Variants in ZZEF1 observed in about 807,000 individuals in gnomAD.
The protein encoded by ZZEF1 is zinc finger ZZ-type and EF-hand domain containing 1.
Under a neutral mutation model 342.8 loss-of-function variants are expected in ZZEF1, and 157 were observed. The observed-to-expected ratio is 0.46, with a 90% confidence interval of 0.40 to 0.52. ZZEF1 has a LOEUF of 0.52. Among genes scored for constraint, ZZEF1 ranks in the 20% least tolerant of loss-of-function variants. ZZEF1 has a pLI of 0.00. For synonymous variants in ZZEF1, 1,505 were observed against 1,429.1 expected, an observed-to-expected ratio of 1.05 and a Z score of -1.20; for missense variants, 3,480 against 3,725.6, an observed-to-expected ratio of 0.93 and a Z score of 1.72.
chr17:4,131,734 G>T (rs1477491144), intron 1 of ZZEF1, among the ~76,000 whole-genome samples: 1 of 151,948 alleles, frequency 6.6e-6, no homozygotes, highest in African/African-American at 2.4e-5. Context: ...AGCCAAGATT[G>T]CACCACTGTA....
At chr17:4,052,308 A>G (rs9901660) in intron 34 of ZZEF1, among the ~76,000 whole-genome samples, 172 bp from the exon 35 acceptor site, 25,624 of 152,180 alleles carry the variant, frequency 0.17, 2,383 homozygotes, top group African/African-American at 0.25. Flanking sequence ...GGCTCAAGGC[A>G]TATGAATGAG....
chr17:4,059,860 T>C (rs2057247698), intron 30 of ZZEF1, among the ~76,000 whole-genome samples: 1 of 152,240 alleles, frequency 6.6e-6, no homozygotes, highest in African/African-American at 2.4e-5. Context: ...TGACATCATC[T>C]CTGACACACT....
chr17:4,111,950 T>C (rs1343728038), intron 5 of ZZEF1, among the ~76,000 whole-genome samples: 8 of 137,328 alleles, frequency 5.8e-5, no homozygotes, highest in Non-Finnish European at 1.3e-4. Context: ...GGAAGACTGC[T>C]TGAACCCAGG....
At chr17:4,068,095 AT>A (rs1310376967) in intron 26 of ZZEF1, among the ~76,000 whole-genome samples, 2 of 152,308 alleles carry the variant, frequency 1.3e-5, no homozygotes, top group African/African-American at 4.8e-5. Context: ...AAACAAAAAA[AT>A]AAAATGTGTA....
At chr17:4,067,367 G>T in intron 26 of ZZEF1, 125 bp from the exon 27 acceptor site, 2 of 585,740 alleles carry the variant, frequency 3.4e-6, no homozygotes, top group Non-Finnish European at 5.6e-6. Context: ...ACACATTGAG[G>T]ATGGTAAGAG....
Position 4,014,966 on chromosome 17 carries a change from C to T in ZZEF1, c.8146-451G>A, listed in dbSNP as rs929166318. On this transcript the variant is annotated intron_variant, in intron 49 of 54. Coordinates refer to ENST00000381638, the MANE Select transcript of ZZEF1 (RefSeq NM_015113.4). The surrounding 1 kb of genome is among the most constrained non-coding windows in gnomAD (Gnocchi z 4.4). ...TTGGGAAGCAGGAACAGGGACAAGA[C>T]CTGACTCCAGAGAGACTGGCAGGGG... Among the ~76,000 whole-genome samples the T allele has an allele frequency of 2.6e-5, 4 of 152,122 alleles. No homozygotes were observed. Among genetic ancestry groups the T allele is most frequent in the South Asian group, 2.1e-4 (1 of 4,832 alleles).
Position 4,008,704 on chromosome 17 carries a change from G to A in ZZEF1, c.8805+179C>T. On this transcript the variant is annotated intron_variant, in intron 54 of 54. Coordinates refer to ENST00000381638, the MANE Select transcript of ZZEF1 (RefSeq NM_015113.4). This position sits in a 1 kb window ranked among gnomAD's most constrained non-coding sequence, Gnocchi z 4.2. ...TTAGAGTGAATGACTCTGATAAATGGGGCTCGTGCATGCTCTCTGAGCACC... is the reference window on the plus strand; with the variant it reads ...TTAGAGTGAATGACTCTGATAAATGAGGCTCGTGCATGCTCTCTGAGCACC... The A allele has an allele frequency of 7.3e-7, 1 of 1,378,492 alleles. No homozygotes were observed. Among genetic ancestry groups the A allele is most frequent in the Non-Finnish European group, 9.4e-7 (1 of 1,065,866 alleles). The allele number at this position is 1,378,492 out of a possible 1,614,324, so 85.4% of individuals were successfully genotyped here.
chr17:4,064,769 G>A lies in ZZEF1; in HGVS notation c.4310C>T (p.Ser1437Leu). 1 of 1,610,704 alleles carries A rather than the reference G, an allele frequency of 6.2e-7. No individual in the cohort carries two copies. Among genetic ancestry groups the A allele is most frequent in the Non-Finnish European group, 8.5e-7 (1 of 1,178,814 alleles). The stretch of plus-strand genomic sequence containing the variant: ...CTCCAACTTTTCGCAGCTTTCTTTT[G>A]AACTTATGCCCGTGGGCAGAAATTT... ...LLKFLPTGIS[S>L]KESCEKLETA... Residue 1437 changes from serine to leucine, a missense_variant, in exon 29 of 55, where the codon TCA becomes TTA. Ser to Leu is a moderately radical substitution (Grantham distance 145). Around this residue, in one of 5 missense-constraint regions of ZZEF1, gnomAD observed 1,528 missense variants for 1,624.1 expected, o/e 0.94. Coordinates refer to ENST00000381638, the MANE Select transcript of ZZEF1 (RefSeq NM_015113.4).
chr17:4,024,820 C>T, intron 43 of ZZEF1, 99 bp downstream of exon 43: 1 of 1,152,370 alleles, frequency 8.7e-7, no homozygotes, highest in Non-Finnish European at 1.3e-6. Flanking sequence ...CTATGGTTTA[C>T]CATCCATCGA....
chr17:4,046,885 A>C (rs1186830403), intron 37 of ZZEF1, among the ~76,000 whole-genome samples: 1 of 152,218 alleles, frequency 6.6e-6, no homozygotes, highest in Non-Finnish European at 1.5e-5. Context: ...TGGACGGAGA[A>C]AAGGTAGATA....
chr17:4,042,319 A>T, intron 39 of ZZEF1, 110 bp downstream of exon 39: 1 of 1,194,530 alleles, frequency 8.4e-7, no homozygotes, highest in South Asian at 1.5e-5. Context: ...TTCTAATCCT[A>T]CCCTTAAGGC....
rs376505751 is a variant in ZZEF1, at chr17:4,006,836, T to C, written c.*54A>G. The C allele has an allele frequency of 4.8e-3, 7,362 of 1,536,034 alleles. 75 individuals carry two copies. The highest frequency in any genetic ancestry group is 0.025 in the South Asian group (2,114 of 83,824). On this transcript the variant is annotated 3_prime_UTR_variant, in exon 55 of 55. Coordinates refer to ENST00000381638, the MANE Select transcript of ZZEF1 (RefSeq NM_015113.4). Reference sequence around the variant, plus strand: ...GTTTTCCTGAATGAGGTTAGATGTCTGCTCTAAAATCCCTGTGGCAGATGA... The same window carrying C: ...GTTTTCCTGAATGAGGTTAGATGTCCGCTCTAAAATCCCTGTGGCAGATGA...
chr17:4,030,013 T>A, intron 42 of ZZEF1, among the ~76,000 whole-genome samples: 1 of 138,728 alleles, frequency 7.2e-6, no homozygotes, highest in Non-Finnish European at 1.5e-5. Context: ...CTGGGCAACA[T>A]GCTGAGATCC....
intron 11 of ZZEF1, among the ~76,000 whole-genome samples, chr17:4,093,705 G>C (rs2057985833): frequency 6.6e-6 from 1 of 152,190 alleles, no homozygotes; most frequent in Non-Finnish European, 1.5e-5. Flanking sequence ...AAGGAGTACT[G>C]CAGTGGATGG....
Position 4,034,078 on chromosome 17 carries a change from A to G in ZZEF1, c.6521T>C (p.Ile2174Thr). ...GGTGGTTTTCCAGCCATCTGGCACA[A>G]TGGAACTGTCCCCTGCAGCAAACAG... The part of the protein sequence containing the change: ...HNLFAAGDSS[I>T]VPDGWKTTHL... Residue 2174 changes from isoleucine to threonine, a missense_variant, in exon 40 of 55, where the codon ATT (isoleucine) becomes ACT (threonine). Ile to Thr is a moderately conservative substitution (Grantham distance 89). Transcript: ENST00000381638. 2 of 1,614,220 alleles carry G rather than the reference A, an allele frequency of 1.2e-6. No individual in the cohort carries two copies. The highest frequency in any genetic ancestry group is 1.7e-6 in the Non-Finnish European group (2 of 1,180,040).
chr17:4,091,120 T>G (rs2057935728), intron 11 of ZZEF1, among the ~76,000 whole-genome samples: 1 of 152,222 alleles, frequency 6.6e-6, no homozygotes, highest in African/African-American at 2.4e-5. Context: ...AGTCGGGCAT[T>G]GTGGATGACT....
At chr17:4,057,855 C>T in intron 32 of ZZEF1, 139 bp downstream of exon 32, 1 of 784,514 alleles carries the variant, frequency 1.3e-6, no homozygotes, top group Admixed American at 2.9e-5. Flanking sequence ...TGCGCAAGGC[C>T]ACTCGGCTAG....
intron 1 of ZZEF1, among the ~76,000 whole-genome samples, chr17:4,134,602 A>G (rs768202682): frequency 3.8e-4 from 58 of 152,170 alleles, no homozygotes; most frequent in African/African-American, 1.3e-3. Context: ...AGCCCTTCAC[A>G]TGGATCAACT....
chr17:4,114,251 A>C, intron 4 of ZZEF1, 48 bp downstream of exon 4: 1 of 1,403,874 alleles, frequency 7.1e-7, no homozygotes, highest in Non-Finnish European at 9.4e-7. Flanking sequence ...GTTAAGAAGA[A>C]AACAATCCAA....
Sources: gnomAD v4.1 joint callset for allele counts (sites outside exome capture counted in the v4.1 genomes callset) on GRCh38, gnomAD v4.1.1 for gene constraint, gnomAD v4.1.1 regional missense constraint, Gnocchi (gnomAD v3.1) non-coding constraint, MANE v1.5 for transcripts, NCBI Gene and HGNC (gene_info 2026-07-23, HGNC 2026-07-21) for gene names.